The following RTL4 variants were observed in gnomAD, a reference collection of about 807,000 sequenced individuals.
RTL4 encodes retrotransposon Gag like 4, also known as retrotransposon Gag-like protein 4.
In RTL4, 4 loss-of-function variants were observed where a neutral mutation model predicts 5.3. That is an observed-to-expected ratio of 0.75 (90% confidence interval 0.37 to 1.72). RTL4 has a LOEUF of 1.72. Among genes scored for constraint, RTL4 ranks in the 40% most tolerant of loss-of-function variants. The pLI is 0.04. For synonymous variants in RTL4, 98 were observed against 87.3 expected (o/e 1.12, Z -0.68); for missense variants, 260 against 227.1 (o/e 1.14, Z -0.93).
the RTL4 span, among the ~76,000 whole-genome samples, chrX:112,223,117 T>C: frequency 9.0e-6 from 1 of 111,729 alleles, no homozygotes; most frequent in Admixed American, 9.5e-5. Flanking sequence ...ATCACAGAGA[T>C]TTTTTCATGC....
At chrX:112,220,858 C>G in the RTL4 span, among the ~76,000 whole-genome samples, 1 of 111,803 alleles carries the variant, frequency 8.9e-6, no homozygotes, top group African/African-American at 3.3e-5. Context: ...GCATTTTGGT[C>G]AAAACCATTC....
At chrX:112,322,779 G>A in the RTL4 span, among the ~76,000 whole-genome samples, 1 of 111,131 alleles carries the variant, frequency 9.0e-6, no homozygotes, top group Non-Finnish European at 1.9e-5. Flanking sequence ...ATTTTTTAAC[G>A]GGGTTGTACT....
chrX:112,118,229 C>G, the RTL4 span, among the ~76,000 whole-genome samples: 1 of 112,030 alleles, frequency 8.9e-6, no homozygotes, highest in Non-Finnish European at 1.9e-5. Context: ...GCTCAGAGTC[C>G]TTCATCAGTT....
At chrX:112,422,764 C>A in the RTL4 span, among the ~76,000 whole-genome samples, 1 of 109,815 alleles carries the variant, frequency 9.1e-6, no homozygotes, top group Admixed American at 9.8e-5. Flanking sequence ...AGTTTCAGTT[C>A]TCCCCTGCAA....
At chrX:112,230,463 C>T in the RTL4 span, among the ~76,000 whole-genome samples, 1 of 112,526 alleles carries the variant, frequency 8.9e-6, no homozygotes, top group Non-Finnish European at 1.9e-5. Context: ...AATTCCCTGA[C>T]TCTTTGCGCT....
At chrX:112,455,679 C>G in exon 1 of RTL4, 1 of 1,173,741 alleles carries the variant, frequency 8.5e-7, no homozygotes, top group Non-Finnish European at 1.1e-6. Flanking sequence ...CCAGGAAAGT[C>G]ACTTTTTAAA....
chrX:112,384,291 G>A, the RTL4 span, among the ~76,000 whole-genome samples: 1 of 112,115 alleles, frequency 8.9e-6, no homozygotes, highest in Non-Finnish European at 1.9e-5. Context: ...CCATGCCTAT[G>A]TCCTAAATGG....
At chrX:112,300,901 C>T in the RTL4 span, among the ~76,000 whole-genome samples, 1 of 111,215 alleles carries the variant, frequency 9.0e-6, no homozygotes, top group South Asian at 3.8e-4. Flanking sequence ...GACAATTACA[C>T]TAAAGAAGCC....
chrX:112,342,149 T>TA, the RTL4 span, among the ~76,000 whole-genome samples: 1 of 111,560 alleles, frequency 9.0e-6, no homozygotes. Context: ...GGCAGACACC[T>TA]ACTCTGGTTG....
the RTL4 span, among the ~76,000 whole-genome samples, chrX:112,442,906 C>G: frequency 2.7e-5 from 3 of 111,950 alleles, no homozygotes; most frequent in African/African-American, 9.7e-5. Flanking sequence ...CTTTGTGTTA[C>G]AAACAATGCA....
chrX:112,135,150 C>A, the RTL4 span, among the ~76,000 whole-genome samples: 1 of 112,144 alleles, frequency 8.9e-6, no homozygotes, highest in African/African-American at 3.2e-5. Context: ...AGTTACTGCA[C>A]CACTTTACAT....
At chrX:112,260,296 T>C in the RTL4 span, among the ~76,000 whole-genome samples, 25 of 111,317 alleles carry the variant, frequency 2.2e-4, no homozygotes, top group African/African-American at 7.8e-4. Context: ...CTATGATTTT[T>C]AGGGTTTTGA....
the RTL4 span, among the ~76,000 whole-genome samples, chrX:112,353,760 G>A: frequency 9.1e-6 from 1 of 109,532 alleles, no homozygotes; most frequent in East Asian, 2.9e-4. Flanking sequence ...GTGCAGCACA[G>A]CAACATGGCA....
the RTL4 span, among the ~76,000 whole-genome samples, chrX:112,413,849 T>G: frequency 9.0e-6 from 1 of 110,615 alleles, no homozygotes; most frequent in African/African-American, 3.3e-5. Flanking sequence ...AGAGTAGAAT[T>G]GGATTGTTTG....
the RTL4 span, among the ~76,000 whole-genome samples, chrX:112,280,763 G>A: frequency 9.0e-6 from 1 of 111,524 alleles, no homozygotes; most frequent in African/African-American, 3.3e-5. Context: ...CCAAAATGCT[G>A]GGATTACAGG....
At chrX:112,241,680 G>A in the RTL4 span, among the ~76,000 whole-genome samples, 2 of 111,807 alleles carry the variant, frequency 1.8e-5, no homozygotes, top group African/African-American at 3.3e-5. Flanking sequence ...CTTTTGCTGT[G>A]GAGAAGCTCT....
chrX:112,344,720 A>G, the RTL4 span, among the ~76,000 whole-genome samples: 1 of 112,042 alleles, frequency 8.9e-6, no homozygotes, highest in African/African-American at 3.2e-5. Context: ...AAAATTGGCA[A>G]TTTCCATTTT....
the RTL4 span, among the ~76,000 whole-genome samples, chrX:112,127,385 C>A: frequency 0.012 from 1,376 of 110,419 alleles, 23 homozygotes; most frequent in African/African-American, 0.042. Context: ...ATTCATGATT[C>A]CAAAAAAAAA....
the RTL4 span, among the ~76,000 whole-genome samples, chrX:112,199,244 G>A: frequency 3.9e-5 from 4 of 103,590 alleles, no homozygotes; most frequent in South Asian, 4.7e-4. Flanking sequence ...AGCCAAGATC[G>A]TGCCACTGCA....
Sources: gnomAD v4.1 joint callset for allele counts (sites outside exome capture counted in the v4.1 genomes callset) on GRCh38, gnomAD v4.1.1 for gene constraint, MANE v1.5 for transcripts, NCBI Gene and HGNC (gene_info 2026-07-23, HGNC 2026-07-21) for gene names.